KCNJ6: variants seen among roughly 807,000 people sequenced by gnomAD.
KCNJ6 encodes the protein potassium inwardly rectifying channel subfamily J member 6.
KCNJ6 carries 9 observed loss-of-function variants against 34.2 expected under a neutral mutation model. That is an observed-to-expected ratio of 0.26 (90% CI 0.16 to 0.46). The LOEUF (loss-of-function observed/expected upper bound fraction) is 0.46. KCNJ6 is among the 20% of genes least tolerant of loss of function. KCNJ6 has a pLI of 1.00. For synonymous variants in KCNJ6, 196 were observed against 207.1 expected (o/e 0.95, Z 0.46); for missense variants, 236 against 531.3 (o/e 0.44, Z 5.46).
chr21:37,909,580 G>A (rs1404113831), intron 1 of KCNJ6, among the ~76,000 whole-genome samples: 1 of 152,068 alleles, frequency 6.6e-6, no homozygotes, highest in Non-Finnish European at 1.5e-5. Context: ...TGGCCAGGCT[G>A]GTCTCAAGTC....
intron 2 of KCNJ6, among the ~76,000 whole-genome samples, chr21:37,812,053 TA>T (rs1377605614): frequency 2.0e-5 from 3 of 152,238 alleles, no homozygotes; most frequent in African/African-American, 7.2e-5. Flanking sequence ...ATGGAATAGC[TA>T]AACTACTGAA....
intron 3 of KCNJ6, among the ~76,000 whole-genome samples, chr21:37,698,802 T>G (rs2054675897): frequency 1.3e-5 from 2 of 152,106 alleles, no homozygotes; most frequent in Admixed American, 1.3e-4. Flanking sequence ...GTTCAAATGA[T>G]TCTCATGCCT....
At chr21:37,865,853 A>G (rs1022019693) in intron 1 of KCNJ6, among the ~76,000 whole-genome samples, 1 of 152,240 alleles carries the variant, frequency 6.6e-6, no homozygotes, top group Non-Finnish European at 1.5e-5. Flanking sequence ...TGGTCCTAAC[A>G]GACATTTACA....
At chr21:37,794,183 T>C (rs1406911958) in intron 2 of KCNJ6, among the ~76,000 whole-genome samples, 1 of 152,260 alleles carries the variant, frequency 6.6e-6, no homozygotes, top group Admixed American at 6.5e-5. Context: ...ATTTCTCTAC[T>C]TCACTGTTTT....
At chr21:37,817,990 C>G (rs2055354666) in intron 2 of KCNJ6, among the ~76,000 whole-genome samples, 2 of 152,076 alleles carry the variant, frequency 1.3e-5, no homozygotes, top group Non-Finnish European at 2.9e-5. Flanking sequence ...TTTCAGAAGC[C>G]CCATCTGCCT....
intron 2 of KCNJ6, among the ~76,000 whole-genome samples, chr21:37,823,164 A>C (rs4816582): frequency 0.19 from 29,231 of 152,014 alleles, 4,420 homozygotes; most frequent in East Asian, 0.43. Context: ...CACCTGCCGA[A>C]CCAGCCCCCA....
chr21:37,682,718 C>T (rs1444286881), intron 3 of KCNJ6, among the ~76,000 whole-genome samples: 1 of 152,166 alleles, frequency 6.6e-6, no homozygotes, highest in Non-Finnish European at 1.5e-5. Context: ...GTGGACATAT[C>T]TTTTTAGTGG....
At chr21:37,831,020 G>A (rs371078187) in intron 2 of KCNJ6, among the ~76,000 whole-genome samples, 1 of 152,150 alleles carries the variant, frequency 6.6e-6, no homozygotes, top group African/African-American at 2.4e-5. Context: ...TGAGGGACAT[G>A]GGAGGGAGAA....
At chr21:37,692,521 G>T (rs1223297479) in intron 3 of KCNJ6, among the ~76,000 whole-genome samples, 1 of 152,174 alleles carries the variant, frequency 6.6e-6, no homozygotes, top group Non-Finnish European at 1.5e-5. Context: ...TTTGGAAACT[G>T]ACGGGAATGT....
At chr21:37,775,494 T>G (rs897437373) in intron 2 of KCNJ6, among the ~76,000 whole-genome samples, 1 of 152,258 alleles carries the variant, frequency 6.6e-6, no homozygotes, top group Non-Finnish European at 1.5e-5. Context: ...GTCTAACATT[T>G]AAGTCTTTAA....
intron 2 of KCNJ6, among the ~76,000 whole-genome samples, chr21:37,773,551 C>T (rs2055128114): frequency 6.6e-6 from 1 of 152,096 alleles, no homozygotes; most frequent in Non-Finnish European, 1.5e-5. Flanking sequence ...AATTGCGCAT[C>T]CATGTTAAAG....
At chr21:37,761,162 GTA>G (rs2055059404) in intron 2 of KCNJ6, among the ~76,000 whole-genome samples, 3 of 150,744 alleles carry the variant, frequency 2.0e-5, no homozygotes, top group African/African-American at 7.4e-5. Context: ...TGTGTGTGCT[GTA>G]TGTGTGTTGT....
At chr21:37,856,300 C>A (rs929985082) in intron 1 of KCNJ6, among the ~76,000 whole-genome samples, 4 of 152,212 alleles carry the variant, frequency 2.6e-5, no homozygotes, top group Non-Finnish European at 4.4e-5. Context: ...GTGCCTAAGG[C>A]AGCAACCAGC....
At chr21:37,696,616 G>T (rs2054664715) in intron 3 of KCNJ6, among the ~76,000 whole-genome samples, 1 of 152,104 alleles carries the variant, frequency 6.6e-6, no homozygotes, top group Non-Finnish European at 1.5e-5. Context: ...AATATAAGAA[G>T]AAATGGTTGG....
At chr21:37,678,451 G>C (rs966281857) in intron 3 of KCNJ6, among the ~76,000 whole-genome samples, 2 of 152,186 alleles carry the variant, frequency 1.3e-5, no homozygotes, top group Non-Finnish European at 2.9e-5. Context: ...TGTCTTAACT[G>C]ATTGGTTTGA....
chr21:37,888,522 A>T lies in KCNJ6; in HGVS notation c.-28+27362T>A, dbSNP rs538406589. Among the ~76,000 whole-genome samples the T allele has an allele frequency of 2.0e-5, 3 of 152,342 alleles. No homozygotes were observed. In the East Asian group the frequency reaches 5.8e-4, roughly 29 times the overall value. On this transcript the variant is annotated intron_variant, in intron 1 of 3. Transcript: ENST00000609713. ...AAACTTAGAGCATAAAGATTTGGAA[A>T]GAAGATATGATGTTGTAACAGCAGT... is the stretch of plus-strand genomic sequence containing the variant.
intron 3 of KCNJ6, among the ~76,000 whole-genome samples, chr21:37,629,283 A>G (rs181550111): frequency 4.3e-4 from 65 of 152,320 alleles, no homozygotes; most frequent in Non-Finnish European, 6.6e-4. Flanking sequence ...TATTTAATCA[A>G]TAAAACAAAG....
At chr21:37,887,350 A>C (rs2123630591) in intron 1 of KCNJ6, among the ~76,000 whole-genome samples, 1 of 152,050 alleles carries the variant, frequency 6.6e-6, no homozygotes, top group South Asian at 2.1e-4. Flanking sequence ...TTCCTGCAAA[A>C]CCAAGCCCCT....
chr21:37,895,332 A>T (rs552871026), intron 1 of KCNJ6, among the ~76,000 whole-genome samples: 16 of 152,330 alleles, frequency 1.1e-4, no homozygotes, highest in African/African-American at 3.8e-4. Flanking sequence ...GCCAGGGCTG[A>T]GTGGGGTGCA....
Sources: allele counts gnomAD v4.1 joint callset (sites outside exome capture counted in the v4.1 genomes callset), GRCh38; gene constraint gnomAD v4.1.1; transcripts MANE v1.5; gene names NCBI Gene and HGNC (gene_info 2026-07-23, HGNC 2026-07-21).